Variants in LIPA observed in about 807,000 individuals in gnomAD.
The protein encoded by LIPA is lipase A, lysosomal acid type, also known as lysosomal acid lipase/cholesteryl ester hydrolase.
In LIPA, 26 loss-of-function variants were observed where a neutral mutation model predicts 40.6. The observed-to-expected ratio is 0.64, with a 90% CI of 0.47 to 0.89. LIPA has a LOEUF of 0.89. LIPA is among the 40% of genes least tolerant of loss of function. The pLI is 0.00. For synonymous variants in LIPA, 188 were observed against 168.4 expected (o/e 1.12, Z -0.90); for missense variants, 455 against 479.6 (o/e 0.95, Z 0.48).
At chr10:89,220,571 C>T (rs962923823) in intron 8 of LIPA, among the ~76,000 whole-genome samples, 15 of 152,170 alleles carry the variant, frequency 9.9e-5, no homozygotes, top group African/African-American at 3.6e-4. Flanking sequence ...TAAGCATGTG[C>T]TGTTCAGCAC....
chr10:89,343,050 T>C (rs1379145968), upstream of LIPA, among the ~76,000 whole-genome samples: 3 of 152,154 alleles, frequency 2.0e-5, no homozygotes, highest in Admixed American at 1.3e-4. Context: ...TCCAAGAGCA[T>C]GTAGGGGTAA....
chr10:89,280,211 G>C (rs1480612211), intron 1 of LIPA, among the ~76,000 whole-genome samples: 1 of 151,990 alleles, frequency 6.6e-6, no homozygotes, highest in East Asian at 1.9e-4. Context: ...CTTTTATTTT[G>C]TTTATACTGA....
At chr10:89,394,660 A>AT (rs1157669915) in intron 2 of LIPA, among the ~76,000 whole-genome samples, 1 of 142,142 alleles carries the variant, frequency 7.0e-6, no homozygotes, top group Admixed American at 7.1e-5. Context: ...TAGCAATGTG[A>AT]TTTTTTATTG....
At chr10:89,401,359 G>A (rs2133627361) in intron 2 of LIPA, among the ~76,000 whole-genome samples, 1 of 152,130 alleles carries the variant, frequency 6.6e-6, no homozygotes, top group Non-Finnish European at 1.5e-5. Flanking sequence ...GACCTCAAAT[G>A]ATCCACCTGC....
At position 89,325,810 on chromosome 10, in the gene LIPA, T is replaced by C. The variant is rs1007494516; in HGVS notation, c.-2+16801A>G. On this transcript the variant is annotated intron_variant, in intron 1 of 5. Coordinates refer to the LIPA transcript ENST00000282673. ...ATCTGTACACTAAAGCCTCATGACA[T>C]GCAATTTACCTAAATAACAAACCTG... 2.6e-5 allele frequency among the ~76,000 whole-genome samples: 4 copies of C among 152,124 alleles called. No individual in the cohort carries two copies. The East Asian group carries it at 7.7e-4, about 29-fold the overall frequency.
rs1238388936 is a variant in LIPA at position 89,214,104 on chromosome 10, G to A, written c.*724C>T. ...AAATTGAGAGCTCATGAATATAGAT[G>A]GTTGAGTGTATCAGTCTTCAAAGCA... On this transcript the variant is annotated 3_prime_UTR_variant, in exon 10 of 10. Coordinates refer to ENST00000336233, the MANE Select transcript of LIPA (RefSeq NM_000235.4). 6.6e-6 allele frequency: 1 copy of A among 152,198 alleles called. No individual in the cohort carries two copies. Among genetic ancestry groups the A allele is most frequent in the African/African-American group, 2.4e-5 (1 of 41,432 alleles). The allele number at this position is 152,198 out of a possible 1,614,324, so 9.4% of individuals were successfully genotyped here. A position where few individuals can be genotyped will look rare whatever the true frequency, so the allele number is the denominator to read the frequency against.
chr10:89,349,011 C>T (rs943325191), intron 2 of LIPA, among the ~76,000 whole-genome samples: 1 of 152,166 alleles, frequency 6.6e-6, no homozygotes, highest in Non-Finnish European at 1.5e-5. Context: ...CAGGAAATGC[C>T]ACTCCAAAAT....
intron 2 of LIPA, chr10:89,393,383 A>G: frequency 9.8e-7 from 1 of 1,018,308 alleles, no homozygotes; most frequent in Non-Finnish European, 1.3e-6. Context: ...GCTTGGGAAG[A>G]TCCGTATCTT....
chr10:89,356,232 G>C (rs1843987825), intron 2 of LIPA, among the ~76,000 whole-genome samples: 1 of 151,992 alleles, frequency 6.6e-6, no homozygotes, highest in South Asian at 2.1e-4. Flanking sequence ...GGGGAGGAAG[G>C]GTGGGCATGG....
At chr10:89,336,371 T>A (rs571695908) in intron 1 of LIPA, among the ~76,000 whole-genome samples, 2 of 152,312 alleles carry the variant, frequency 1.3e-5, no homozygotes, top group East Asian at 1.9e-4. Flanking sequence ...TAGCCGGATG[T>A]AGATGGCAAC....
chr10:89,239,047 C>T (rs1029073), intron 3 of LIPA, among the ~76,000 whole-genome samples: 14,168 of 152,182 alleles, frequency 0.093, 1,307 homozygotes, highest in African/African-American at 0.24. Flanking sequence ...TAACAGCAAG[C>T]GCATACTAAG....
At position 89,354,160 on chromosome 10, in the gene LIPA, C is replaced by T. The variant is rs1589619800; in HGVS notation, c.61+58631G>A. On this transcript the variant is annotated intron_variant, in intron 2 of 8. Coordinates refer to the LIPA transcript ENST00000371837. Reference sequence around the variant, plus strand: ...TGCTAACCAAATGACTATTCCTCTACCCCACCACCATATATAAATTGTGTA... The same window carrying T: ...TGCTAACCAAATGACTATTCCTCTATCCCACCACCATATATAAATTGTGTA... Among the ~76,000 whole-genome samples the T allele has an allele frequency of 6.6e-5, 10 of 152,300 alleles. 4 individuals are homozygous for T. The highest frequency in any genetic ancestry group is 6.5e-4 in the Admixed American group (10 of 15,298).
intron 1 of LIPA, among the ~76,000 whole-genome samples, chr10:89,333,792 G>A (rs1843687628): frequency 1.3e-5 from 2 of 152,244 alleles, no homozygotes; most frequent in South Asian, 4.1e-4. Context: ...GCTGCTCACA[G>A]TGTGGTCTGA....
At chr10:89,307,699 A>C in intron 1 of LIPA, 1 of 221,202 alleles carries the variant, frequency 4.5e-6, no homozygotes, top group South Asian at 9.8e-5. Flanking sequence ...TTGTTTCTAT[A>C]TTTATATAAA....
chr10:89,223,356 C>T (rs1473414145), intron 7 of LIPA, among the ~76,000 whole-genome samples: 1 of 152,062 alleles, frequency 6.6e-6, no homozygotes, highest in Non-Finnish European at 1.5e-5. Context: ...GTCTATTGTT[C>T]CCATCTTTAT....
intron 2 of LIPA, among the ~76,000 whole-genome samples, chr10:89,355,221 G>A (rs1843982985): frequency 6.6e-6 from 1 of 152,180 alleles, no homozygotes; most frequent in Admixed American, 6.5e-5. Context: ...CACAGCCTAA[G>A]GGACTCTCAT....
At chr10:89,334,107 C>A (rs959167611) in intron 1 of LIPA, among the ~76,000 whole-genome samples, 1 of 152,170 alleles carries the variant, frequency 6.6e-6, no homozygotes, top group African/African-American at 2.4e-5. Context: ...CCCACTCTTA[C>A]CACTTCAAGA....
chr10:89,222,432 A>G, intron 8 of LIPA, 79 bp downstream of exon 8: 3 of 893,910 alleles, frequency 3.4e-6, no homozygotes, highest in South Asian at 1.3e-5. Flanking sequence ...TTGTCTTTCT[A>G]TTTGGAAAGG....
chr10:89,369,569 A>G (rs1460637580), intron 2 of LIPA, among the ~76,000 whole-genome samples: 3 of 152,226 alleles, frequency 2.0e-5, no homozygotes, highest in Non-Finnish European at 4.4e-5. Flanking sequence ...CAAAAAGTTC[A>G]TGAAATAGCT....
Sources: allele counts gnomAD v4.1 joint callset (sites outside exome capture counted in the v4.1 genomes callset), GRCh38; gene constraint gnomAD v4.1.1; transcripts MANE v1.5; gene names NCBI Gene and HGNC (gene_info 2026-07-23, HGNC 2026-07-21).